Variants in IL10 observed in about 807,000 individuals in gnomAD.
IL10 encodes the protein interleukin 10, also known as interleukin-10.
In IL10, 7 loss-of-function variants were observed where a neutral mutation model predicts 21.0. The ratio of observed to expected loss-of-function variants is 0.33; its 90% CI spans 0.19 to 0.63. The LOEUF (loss-of-function observed/expected upper bound fraction) is 0.63. Ranked by LOEUF, IL10 falls within the 20% of genes least tolerant of loss-of-function variation. The probability of loss-of-function intolerance (pLI) is 0.77; values close to 1 mark genes in which losing one functional copy is unlikely to be tolerated. For missense variants in IL10, 161 were observed against 213.0 expected, an observed-to-expected ratio of 0.76 and a Z score of 1.52; for synonymous variants, 83 against 79.7, an observed-to-expected ratio of 1.04 and a Z score of -0.22.
At chr1:206,772,173 A>T in intron 1 of IL10, 98 bp downstream of exon 1, 1 of 1,018,078 alleles carries the variant, frequency 9.8e-7, no homozygotes, top group Non-Finnish European at 1.5e-6. Flanking sequence ...TTGGGGATGG[A>T]GGTGGAGGCG....
At position 206,771,079 on chromosome 1, in the gene IL10, G is replaced by T; in HGVS notation, c.226-20C>A. 6.2e-7 allele frequency: 1 copy of T among 1,613,948 alleles called. No individual in the cohort carries two copies. The highest frequency in any genetic ancestry group is 8.5e-7 in the Non-Finnish European group (1 of 1,179,894). On this transcript the variant is annotated intron_variant, in intron 2 of 4. Coordinates refer to ENST00000423557, the MANE Select transcript of IL10 (RefSeq NM_000572.3). The stretch of plus-strand genomic sequence containing the variant: ...GTAACCCTAAGGGCAGGAGCCAAAG[G>T]TGAGTGAGAGATTGGCGGAGGTGGC...
chr1:206,770,295 G>A (rs1399385611), intron 3 of IL10: 1 of 344,250 alleles, frequency 2.9e-6, no homozygotes, highest in Non-Finnish European at 5.7e-6. Context: ...CCTTCACATA[G>A]CCTTGTCCTA....
chr1:206,772,344 G>T lies in IL10; in HGVS notation c.92C>A (p.Thr31Asn), dbSNP rs752491913. The T allele has an allele frequency of 6.2e-7, 1 of 1,614,070 alleles. No homozygotes were observed. Among genetic ancestry groups the T allele is most frequent in the African/African-American group, 1.3e-5 (1 of 74,920 alleles). ...GQGTQSENSC[T>N]HFPGNLPNML... ...GTTAGGCAGGTTGCCTGGGAAGTGG[G>T]TGCAGCTGTTCTCAGACTGGGTGCC... The change falls in exon 1 of 5, where the codon ACC becomes AAC. Residue 31 changes from threonine (T) to asparagine (N), a missense_variant. By Grantham distance (65) the Thr-to-Asn change is moderately conservative (BLOSUM62 0). Coordinates refer to ENST00000423557, the MANE Select transcript of IL10 (RefSeq NM_000572.3).
In IL10 at chr1:206,768,545, G is replaced by C; in HGVS notation, c.*91C>G. On this transcript the variant is annotated 3_prime_UTR_variant, in exon 5 of 5. Coordinates refer to ENST00000423557, the MANE Select transcript of IL10 (RefSeq NM_000572.3). ...AGAGAGGTACAATAAGGTTTCTCAA[G>C]GGGCTGGGTCAGCTATCCCAGAGCC... The C allele has an allele frequency of 2.7e-6, 2 of 745,620 alleles. No individual in the cohort carries two copies. The highest frequency in any genetic ancestry group is 4.9e-6 in the Non-Finnish European group (2 of 405,888). The allele number at this position is 745,620 out of a possible 1,614,324, so 46.2% of individuals were successfully genotyped here. A position where few individuals can be genotyped will look rare whatever the true frequency, so the allele number is the denominator to read the frequency against.
At chr1:206,769,213 C>T (rs958402471) in intron 4 of IL10, among the ~76,000 whole-genome samples, 2 of 152,182 alleles carry the variant, frequency 1.3e-5, no homozygotes, top group East Asian at 1.9e-4. Context: ...CCCCAGCCCA[C>T]GAGGAGGACA....
At chr1:206,771,500 A>T (rs78550221) in intron 1 of IL10, 85 bp from the exon 2 acceptor site, 1 of 958,720 alleles carries the variant, frequency 1.0e-6, no homozygotes, top group Non-Finnish European at 1.5e-6. Flanking sequence ...TCATTTAGAG[A>T]TTTTTTTTTT....
In IL10 at chr1:206,768,740, G is replaced by A; in HGVS notation, c.445-12C>T. 6.5e-7 allele frequency: 1 copy of A among 1,548,654 alleles called. No individual in the cohort carries two copies. The highest frequency in any genetic ancestry group is 8.9e-7 in the Non-Finnish European group (1 of 1,120,622). ...CCTTTCTCTTGGAGCTGTGCAGAGAGATAAGAAACATACAGTTAAAATCCT... is the reference window on the plus strand; with the variant it reads ...CCTTTCTCTTGGAGCTGTGCAGAGAAATAAGAAACATACAGTTAAAATCCT... On this transcript the variant is annotated splice_polypyrimidine_tract_variant and intron_variant, in intron 4 of 4. Transcript: ENST00000423557.
intron 1 of IL10, 89 bp from the exon 2 acceptor site, chr1:206,771,504 T>G: frequency 8.6e-7 from 1 of 1,161,696 alleles, no homozygotes; most frequent in African/African-American, 1.5e-5. Context: ...TTAGAGATTT[T>G]TTTTTTTAAA....
chr1:206,770,409 T>C lies in IL10; in HGVS notation c.378+498A>G, dbSNP rs569420470. ...GGAGAAATAAATTACCTGGAGGAAT[T>C]ACTCATAGACACTAGCCTGGGGATG... On this transcript the variant is annotated intron_variant, in intron 3 of 4. Coordinates refer to ENST00000423557, the MANE Select transcript of IL10 (RefSeq NM_000572.3). 132 of 270,458 alleles carry C rather than the reference T, an allele frequency of 4.9e-4. No homozygotes were observed. In the South Asian group the frequency reaches 5.4e-3, roughly 11 times the overall value. The allele number at this position is 270,458 out of a possible 1,614,324, so 16.8% of individuals were successfully genotyped here. A position where few individuals can be genotyped will look rare whatever the true frequency, so the allele number is the denominator to read the frequency against.
chr1:206,768,098 A>G lies in IL10; in HGVS notation c.*538T>C. 1 of 203,432 alleles carries G rather than the reference A, an allele frequency of 4.9e-6. No individual in the cohort carries two copies. The highest frequency in any genetic ancestry group is 2.3e-5 in the African/African-American group (1 of 43,738). The allele number at this position is 203,432 out of a possible 1,614,324, so 12.6% of individuals were successfully genotyped here. On this transcript the variant is annotated 3_prime_UTR_variant, in exon 5 of 5. Transcript: ENST00000423557. ...CTTTCAAGAATGAAGTGGTTGGGGAATGAGGTTAGGGGAATCCCTCCGAGA... is the reference window on the plus strand; with the variant it reads ...CTTTCAAGAATGAAGTGGTTGGGGAGTGAGGTTAGGGGAATCCCTCCGAGA...
intron 3 of IL10, 58 bp from the exon 4 acceptor site, chr1:206,769,952 A>G (rs3024509): frequency 0.054 from 74,792 of 1,384,938 alleles, 2,411 homozygotes; most frequent in Middle Eastern, 0.086. Flanking sequence ...TGTCCATCAC[A>G]CTTAGGGGAC....
In IL10 at chr1:206,771,310, C is replaced by G. The variant is rs1475387724; in HGVS notation, c.225+46G>C. 4 of 1,547,076 alleles carry G rather than the reference C, an allele frequency of 2.6e-6. No homozygotes were observed. The African/African-American group carries it at 5.4e-5, about 21-fold the overall frequency. ...AATCAGGAAGCAGAGTCTCCCTTCCCTTAATCATGCTGCACACTCCCCCAG... is the reference window on the plus strand; with the variant it reads ...AATCAGGAAGCAGAGTCTCCCTTCCGTTAATCATGCTGCACACTCCCCCAG... On this transcript the variant is annotated intron_variant, in intron 2 of 4. Transcript: ENST00000423557.
At position 206,771,014 on chromosome 1, in the gene IL10, G is replaced by C. The variant is rs745801059; in HGVS notation, c.271C>G (p.Leu91Val). The change falls in exon 3 of 5, where the codon CTG becomes GTG. Residue 91 changes from leucine to valine, a missense_variant. Physicochemically the swap from Leu to Val is conservative, Grantham distance 32 (BLOSUM62 1). Coordinates refer to ENST00000423557, the MANE Select transcript of IL10 (RefSeq NM_000572.3). ...TCAGCTTGGGGCATCACCTCCTCCA[G>C]GTAAAACTGGATCATCTCAGACAAG... Reference protein sequence around the residue: ...QALSEMIQFYLEEVMPQAENQ... With the variant: ...QALSEMIQFYVEEVMPQAENQ... 2 of 1,614,106 alleles carry C rather than the reference G, an allele frequency of 1.2e-6. No homozygotes were observed. Among genetic ancestry groups the C allele is most frequent in the Non-Finnish European group, 1.7e-6 (2 of 1,179,982 alleles).
rs1386701477 is a variant in IL10, at chr1:206,768,079, A to C, written c.*557T>G. ...AATAACAAGCTGGCCACAGCTTTCA[A>C]GAATGAAGTGGTTGGGGAATGAGGT... On this transcript the variant is annotated 3_prime_UTR_variant, in exon 5 of 5. Coordinates refer to ENST00000423557, the MANE Select transcript of IL10 (RefSeq NM_000572.3). 1.5e-5 allele frequency: 3 copies of C among 199,766 alleles called. No homozygotes were observed. Among genetic ancestry groups the C allele is most frequent in the African/African-American group, 6.9e-5 (3 of 43,366 alleles). The allele number at this position is 199,766 out of a possible 1,614,324, so 12.4% of individuals were successfully genotyped here.
Position 206,768,025 on chromosome 1 carries a change from C to T in IL10, c.*611G>A, listed in dbSNP as rs570361233. On this transcript the variant is annotated 3_prime_UTR_variant, in exon 5 of 5. Coordinates refer to ENST00000423557, the MANE Select transcript of IL10 (RefSeq NM_000572.3). ...GATTACAGGCGTGAGCCACCGCGCC[C>T]GGCCTAGAACCAAATTTAGGTTGTT... 6.6e-5 allele frequency: 12 copies of T among 182,620 alleles called. 1 individual carries two copies. In the South Asian group the frequency reaches 1.6e-3, roughly 24 times the overall value. The allele number at this position is 182,620 out of a possible 1,614,324, so 11.3% of individuals were successfully genotyped here.
intron 3 of IL10, chr1:206,770,296 CCTT>C: frequency 5.8e-6 from 2 of 343,488 alleles, no homozygotes; most frequent in Admixed American, 3.9e-5. Flanking sequence ...CTTCACATAG[CCTT>C]GTCCTACAAA....
rs1674724100 is a variant in IL10, at chr1:206,768,200, C to T, written c.*436G>A. 1 of 251,096 alleles carries T rather than the reference C, an allele frequency of 4.0e-6. No homozygotes were observed. Among genetic ancestry groups the T allele is most frequent in the East Asian group, 6.0e-5 (1 of 16,554 alleles). 15.6% of individuals were successfully genotyped at this position (251,096 alleles called of 1,614,324 possible). On this transcript the variant is annotated 3_prime_UTR_variant, in exon 5 of 5. Transcript: ENST00000423557. ...GAGTATTTGTAGCAGTTAGGAAGCC[C>T]CAAGCCCAGAGACAAGATAAATTAG...
At chr1:206,771,500 AT>A (rs796741475) in intron 1 of IL10, 85 bp from the exon 2 acceptor site, 23,545 of 852,164 alleles carry the variant, frequency 0.028, 4 homozygotes, top group Non-Finnish European at 0.03. Flanking sequence ...TCATTTAGAG[AT>A]TTTTTTTTTT....
intron 4 of IL10, 48 bp from the exon 5 acceptor site, chr1:206,768,776 T>A (rs1295156070): frequency 1.8e-6 from 2 of 1,137,374 alleles, no homozygotes; most frequent in South Asian, 2.5e-5. Flanking sequence ...TTCTGGGGAC[T>A]AAATAGGCTC....
Sources: gnomAD v4.1 joint callset for allele counts (sites outside exome capture counted in the v4.1 genomes callset) on GRCh38, gnomAD v4.1.1 for gene constraint, MANE v1.5 for transcripts, NCBI Gene and HGNC (gene_info 2026-07-23, HGNC 2026-07-21) for gene names.